The following ROBO1 variants were observed in gnomAD, a reference collection of about 807,000 sequenced individuals.
ROBO1 encodes roundabout homolog 1.
Under a neutral mutation model 195.9 loss-of-function variants are expected in ROBO1, and 149 were observed. The observed-to-expected ratio is 0.76, with a 90% confidence interval of 0.67 to 0.87. The LOEUF is 0.87. Among genes scored for constraint, ROBO1 ranks in the 40% least tolerant of loss-of-function variants. The pLI is 0.00. For synonymous variants in ROBO1, 816 were observed against 733.2 expected, an observed-to-expected ratio of 1.11 and a Z score of -1.82; for missense variants, 1,933 against 2,068.3, an observed-to-expected ratio of 0.93 and a Z score of 1.27.
chr3:78,877,980 T>C (rs535513716), intron 4 of ROBO1, among the ~76,000 whole-genome samples: 1 of 152,274 alleles, frequency 6.6e-6, no homozygotes, highest in African/African-American at 2.4e-5. Context: ...GCATCTGGCT[T>C]CCGACAGCCT....
intron 22 of ROBO1, among the ~76,000 whole-genome samples, chr3:78,636,935 T>TATATATATA (rs1049019413): frequency 1.0e-5 from 1 of 96,704 alleles, no homozygotes; most frequent in South Asian, 4.5e-4. Context: ...TACATTCATT[T>TATATATATA]TATATATATA....
chr3:78,949,192 C>A (rs1182729500), intron 3 of ROBO1, among the ~76,000 whole-genome samples: 1 of 134,910 alleles, frequency 7.4e-6, no homozygotes, highest in Non-Finnish European at 1.5e-5. Flanking sequence ...AAAAAGAGAC[C>A]GCATCGCCAA....
rs139249440 is a variant in ROBO1 at position 79,120,790 on chromosome 3, A to T, written c.172+4666T>A. ...TATACAGAAAAGGAAAGGTACTTACAGTGTCATACTTAGCTCTGAAGCAGA... is the reference window on the plus strand; with the variant it reads ...TATACAGAAAAGGAAAGGTACTTACTGTGTCATACTTAGCTCTGAAGCAGA... On this transcript the variant is annotated intron_variant, in intron 3 of 30. Transcript: ENST00000464233. 1.1e-4 allele frequency among the ~76,000 whole-genome samples: 16 copies of T among 152,286 alleles called. No individual in the cohort carries two copies. In the East Asian group the frequency reaches 2.9e-3, roughly 28 times the overall value.
At chr3:79,012,931 C>T (rs1173523414) in intron 3 of ROBO1, among the ~76,000 whole-genome samples, 2 of 152,062 alleles carry the variant, frequency 1.3e-5, no homozygotes, top group Admixed American at 6.6e-5. Context: ...GGAAATCATG[C>T]TAATCAAGAA....
In ROBO1 at chr3:78,769,621, T is replaced by C. The variant is rs1467399278; in HGVS notation, c.500-22721A>G. On this transcript the variant is annotated intron_variant, in intron 4 of 30. Coordinates refer to ENST00000464233, the MANE Select transcript of ROBO1 (RefSeq NM_002941.4). ...TTTTTGTTGCCAGTGTACTTTGGTTTTTTTTTTTTTTTTTTTTGCTTTTTA... is the reference window on the plus strand; with the variant it reads ...TTTTTGTTGCCAGTGTACTTTGGTTCTTTTTTTTTTTTTTTTTGCTTTTTA... Among the ~76,000 whole-genome samples, 3 of 67,948 alleles carry C rather than the reference T, an allele frequency of 4.4e-5. No individual in the cohort carries two copies. In the East Asian group the frequency reaches 1.0e-3, roughly 23 times the overall value. 44.6% of individuals were successfully genotyped at this position (67,948 alleles called of 152,430 possible). A position where few individuals can be genotyped will look rare whatever the true frequency, so the allele number is the denominator to read the frequency against.
chr3:79,156,577 G>A (rs193028596), intron 2 of ROBO1, among the ~76,000 whole-genome samples: 2 of 151,864 alleles, frequency 1.3e-5, no homozygotes, highest in Admixed American at 6.6e-5. Context: ...GTTTGGTTAT[G>A]GGGTAGACAA....
chr3:79,389,645 A>G (rs1293658342), intron 2 of ROBO1, among the ~76,000 whole-genome samples: 1 of 152,174 alleles, frequency 6.6e-6, no homozygotes. Context: ...TTTGGCAGTG[A>G]GCTCTGAATA....
chr3:79,446,418 G>A (rs2039257688), intron 2 of ROBO1, among the ~76,000 whole-genome samples: 1 of 152,052 alleles, frequency 6.6e-6, no homozygotes, highest in African/African-American at 2.4e-5. Context: ...CATTATTTGA[G>A]GGCACTTGAC....
chr3:78,884,821 T>C (rs1405918977), intron 4 of ROBO1, among the ~76,000 whole-genome samples: 1 of 150,998 alleles, frequency 6.6e-6, no homozygotes, highest in Non-Finnish European at 1.5e-5. Flanking sequence ...GATAATAACA[T>C]AAGGAAAAAG....
intron 1 of ROBO1, among the ~76,000 whole-genome samples, chr3:79,733,874 T>C (rs1703259577): frequency 6.6e-6 from 1 of 152,078 alleles, no homozygotes; most frequent in Admixed American, 6.6e-5. Flanking sequence ...TTAGACATTT[T>C]CCCCCTTACA....
At chr3:78,771,982 G>C (rs1362839268) in intron 4 of ROBO1, among the ~76,000 whole-genome samples, 1 of 151,874 alleles carries the variant, frequency 6.6e-6, no homozygotes, top group Non-Finnish European at 1.5e-5. Context: ...CATTGCAAGG[G>C]AATATTACAT....
chr3:78,703,517 C>G (rs1575972964), intron 8 of ROBO1, among the ~76,000 whole-genome samples: 2 of 152,090 alleles, frequency 1.3e-5, no homozygotes, highest in African/African-American at 4.8e-5. Flanking sequence ...CATAACAAAT[C>G]TCTTTCCCCA....
chr3:79,576,428 C>G (rs1202079571), intron 2 of ROBO1, among the ~76,000 whole-genome samples: 1 of 151,966 alleles, frequency 6.6e-6, no homozygotes, highest in Non-Finnish European at 1.5e-5. Flanking sequence ...ATAATACCTA[C>G]TCTTTATTCA....
chr3:78,777,874 G>A (rs2108463220), intron 4 of ROBO1, among the ~76,000 whole-genome samples: 1 of 152,152 alleles, frequency 6.6e-6, no homozygotes, highest in South Asian at 2.1e-4. Context: ...ATTCTATATT[G>A]AATAGGAGTG....
At chr3:78,833,243 TA>T (rs2032396056) in intron 4 of ROBO1, among the ~76,000 whole-genome samples, 1 of 152,104 alleles carries the variant, frequency 6.6e-6, no homozygotes, top group South Asian at 2.1e-4. Flanking sequence ...AAATCATTCA[TA>T]AAACTAGTTC....
chr3:78,667,562 A>G (rs1575880830), intron 14 of ROBO1, among the ~76,000 whole-genome samples: 1 of 151,254 alleles, frequency 6.6e-6, no homozygotes, highest in Admixed American at 6.6e-5. Context: ...CCCCACAGCC[A>G]CCCTACTACC....
intron 28 of ROBO1, among the ~76,000 whole-genome samples, chr3:78,614,124 G>A (rs3773195): frequency 0.33 from 49,608 of 152,028 alleles, 9,990 homozygotes; most frequent in Admixed American, 0.47. Context: ...GAATATGAAC[G>A]TTACCTCTTC....
intron 1 of ROBO1, among the ~76,000 whole-genome samples, chr3:79,655,047 A>G (rs1946119954): frequency 6.6e-6 from 1 of 152,016 alleles, no homozygotes; most frequent in African/African-American, 2.4e-5. Context: ...ACACTGCTTT[A>G]TAAACTGTCA....
At chr3:78,977,949 A>G (rs530088046) in intron 3 of ROBO1, among the ~76,000 whole-genome samples, 1 of 152,300 alleles carries the variant, frequency 6.6e-6, no homozygotes, top group African/African-American at 2.4e-5. Flanking sequence ...TGCCATCTAA[A>G]CTGGCAAGAC....
Sources: allele counts gnomAD v4.1 joint callset (sites outside exome capture counted in the v4.1 genomes callset), GRCh38; gene constraint gnomAD v4.1.1; transcripts MANE v1.5; gene names NCBI Gene and HGNC (gene_info 2026-07-23, HGNC 2026-07-21).